PIK3IP1: variants seen among roughly 807,000 people sequenced by gnomAD.
The protein encoded by PIK3IP1 is phosphoinositide-3-kinase interacting protein 1.
PIK3IP1 carries 28 observed loss-of-function variants against 30.7 expected under a neutral mutation model. That is an observed-to-expected ratio of 0.91 (90% confidence interval 0.68 to 1.25). PIK3IP1 has a LOEUF of 1.25. Ranked by LOEUF, PIK3IP1 falls within the 50% of genes most tolerant of loss-of-function variation. The probability of loss-of-function intolerance (pLI) is 0.00; values close to 1 mark genes in which losing one functional copy is unlikely to be tolerated. For missense variants in PIK3IP1, 333 were observed against 346.2 expected (o/e 0.96, Z 0.30); for synonymous variants, 159 against 140.8 (o/e 1.13, Z -0.91).
In PIK3IP1 at chr22:31,289,708, G is replaced by A; in HGVS notation, c.308-9C>T. The A allele has an allele frequency of 1.9e-6, 3 of 1,551,938 alleles. No individual in the cohort carries two copies. Among genetic ancestry groups the A allele is most frequent in the Non-Finnish European group, 8.7e-7 (1 of 1,147,084 alleles). ...GGCCTGGGAGGTGGTCTCTGGAGATGAGGTGGGAAACAGCTCTCATCAGGG... is the reference window on the plus strand; with the variant it reads ...GGCCTGGGAGGTGGTCTCTGGAGATAAGGTGGGAAACAGCTCTCATCAGGG... On this transcript the variant is annotated splice_polypyrimidine_tract_variant and intron_variant, in intron 3 of 5. Transcript: ENST00000215912.
chr22:31,282,951 T>C lies in PIK3IP1; in HGVS notation c.*133A>G, dbSNP rs1369725467. 4.3e-6 allele frequency: 3 copies of C among 692,256 alleles called. No individual in the cohort carries two copies. In the Admixed American group the frequency reaches 8.0e-5, roughly 18 times the overall value. The allele number at this position is 692,256 out of a possible 1,614,324, so 42.9% of individuals were successfully genotyped here. A position where few individuals can be genotyped will look rare whatever the true frequency, so the allele number is the denominator to read the frequency against. ...CAGGGCCACCTGCTTCTGTCACTCT[T>C]ACTAGGATTCGCCAAAAAAGCGGGG... is the stretch of plus-strand genomic sequence containing the variant. On this transcript the variant is annotated 3_prime_UTR_variant, in exon 6 of 6. Transcript: ENST00000215912.
chr22:31,284,858 C>A (rs533330906), intron 5 of PIK3IP1, among the ~76,000 whole-genome samples: 1 of 152,118 alleles, frequency 6.6e-6, no homozygotes, highest in African/African-American at 2.4e-5. Context: ...GGCTGAGCTC[C>A]CACCCACCCC....
At chr22:31,287,014 CTTTT>C (rs11427273) in intron 5 of PIK3IP1, among the ~76,000 whole-genome samples, 9 of 98,646 alleles carry the variant, frequency 9.1e-5, no homozygotes, top group South Asian at 3.6e-4. Flanking sequence ...CCATTACCCA[CTTTT>C]TTTTTTTTTT....
At chr22:31,292,222 T>C in intron 1 of PIK3IP1, 53 bp downstream of exon 1, 1 of 1,562,824 alleles carries the variant, frequency 6.4e-7, no homozygotes, top group Non-Finnish European at 8.8e-7. Flanking sequence ...ATAGGGGGCT[T>C]TACCCCTTCT....
Position 31,290,967 on chromosome 22 carries a change from G to A in PIK3IP1, c.305C>T (p.Pro102Leu), listed in dbSNP as rs2049172334. The A allele has an allele frequency of 6.2e-7, 1 of 1,600,326 alleles. No homozygotes were observed. Among genetic ancestry groups the A allele is most frequent in the Admixed American group, 1.7e-5 (1 of 58,564 alleles). Reference protein sequence around the residue: ...EKRPCEDLRCPETTSQALPAF... With the variant: ...EKRPCEDLRCLETTSQALPAF... ...TTCCCGGGGTCCCGGGCAGGTACCT[G>A]GACAGCGCAGGTCCTCGCAAGGCCG... Residue 102 changes from proline (P) to leucine (L), a missense_variant and splice_region_variant, in exon 3 of 6, where the codon CCA becomes CTA. Transcript: ENST00000215912.
chr22:31,291,478 C>A (rs1459071621), intron 1 of PIK3IP1, among the ~76,000 whole-genome samples, 182 bp from the exon 2 acceptor site: 1 of 150,662 alleles, frequency 6.6e-6, no homozygotes, highest in Non-Finnish European at 1.5e-5. Flanking sequence ...CACCCCCCCC[C>A]CCCAACTCCA....
At position 31,289,492 on chromosome 22, in the gene PIK3IP1, G is replaced by A. The variant is rs370054613; in HGVS notation, c.508+7C>T. On this transcript the variant is annotated splice_region_variant and intron_variant, in intron 4 of 5. Coordinates refer to ENST00000215912, the MANE Select transcript of PIK3IP1 (RefSeq NM_052880.5). ...CCAACGAGGGCAGGGGTGGGGGACC[G>A]TCATACCCAGAGTTCCCAGGTCCTT... 11 of 1,537,370 alleles carry A rather than the reference G, an allele frequency of 7.2e-6. No homozygotes were observed. Among genetic ancestry groups the A allele is most frequent in the African/African-American group, 1.4e-5 (1 of 73,118 alleles).
chr22:31,290,125 C>CA (rs1315974799), intron 3 of PIK3IP1: 1 of 156,004 alleles, frequency 6.4e-6, no homozygotes, highest in African/African-American at 2.4e-5. Flanking sequence ...AGCGGTGGCT[C>CA]ACGCCTGTAA....
chr22:31,283,225 A>G lies in PIK3IP1; in HGVS notation c.651T>C (p.Thr217=), dbSNP rs201011036. Residue 217 remains threonine, a synonymous_variant, in exon 6 of 6, where the codon ACT becomes ACC. Transcript: ENST00000215912. The part of the protein sequence containing the change: ...KVCEREMQRI[T]LPLSAFTNPT... The stretch of plus-strand genomic sequence containing the variant: ...GGTTGGTGAAGGCAGACAAGGGCAG[A>G]GTGATTCGCTGCATCTCCCTCTCAC... 1.2e-6 allele frequency: 2 copies of G among 1,614,222 alleles called. No individual in the cohort carries two copies. The highest frequency in any genetic ancestry group is 2.2e-5 in the East Asian group (1 of 44,882).
rs2049099066 is a variant in PIK3IP1 at position 31,282,742 on chromosome 22, G to C, written c.*342C>G. 1 of 279,122 alleles carries C rather than the reference G, an allele frequency of 3.6e-6. No homozygotes were observed. The highest frequency in any genetic ancestry group is 6.9e-6 in the Non-Finnish European group (1 of 144,170). 17.3% of individuals were successfully genotyped at this position (279,122 alleles called of 1,614,324 possible). On this transcript the variant is annotated 3_prime_UTR_variant, in exon 6 of 6. Transcript: ENST00000215912. ...ACTGAGGCCATCTTAGTAAAGCACAGAGGAGCCTGGGGGAGCTCCCCGTCT... is the reference window on the plus strand; with the variant it reads ...ACTGAGGCCATCTTAGTAAAGCACACAGGAGCCTGGGGGAGCTCCCCGTCT...
intron 5 of PIK3IP1, 64 bp downstream of exon 5, chr22:31,289,251 A>G (rs761305646): frequency 7.7e-6 from 12 of 1,552,648 alleles, no homozygotes; most frequent in East Asian, 2.2e-5. Context: ...AGAAAGCCAC[A>G]AAGTTTGACT....
intron 3 of PIK3IP1, 168 bp from the exon 4 acceptor site, chr22:31,289,867 G>T: frequency 1.5e-6 from 1 of 651,462 alleles, no homozygotes; most frequent in South Asian, 2.0e-5. Flanking sequence ...GGCCTGAGAG[G>T]GCTGAACCAT....
chr22:31,284,076 G>T (rs1469448120), intron 5 of PIK3IP1, among the ~76,000 whole-genome samples: 2 of 152,082 alleles, frequency 1.3e-5, no homozygotes, highest in Non-Finnish European at 2.9e-5. Context: ...AGAGTATTTT[G>T]TATTTTTAGT....
intron 5 of PIK3IP1, chr22:31,289,063 A>G (rs1248173220): frequency 8.6e-6 from 5 of 580,850 alleles, no homozygotes; most frequent in African/African-American, 7.5e-5. Context: ...ACTTTGAGCA[A>G]GTCTCTGACA....
Position 31,292,259 on chromosome 22 carries a change from AAGATTGTAATCTCACCTCC to A in PIK3IP1, c.67_70+15del. On this transcript the variant is annotated splice_donor_variant and splice_donor_5th_base_variant and coding_sequence_variant and intron_variant, in exon 1 of 6. Transcript: ENST00000215912. LOFTEE classifies it high-confidence loss of function. Reference sequence around the variant, plus strand: ...TTTCATGAAGTTGCTGCGGAAAGGAAAGATTGTAATCTCACCTCCAGATCCATAGGCTTCTGCTAGGAGC... The same window carrying A: ...TTTCATGAAGTTGCTGCGGAAAGGAAAGATCCATAGGCTTCTGCTAGGAGC... The A allele has an allele frequency of 6.2e-7, 1 of 1,612,916 alleles. No homozygotes were observed. The highest frequency in any genetic ancestry group is 8.5e-7 in the Non-Finnish European group (1 of 1,178,906).
At chr22:31,290,695 C>G (rs534860163) in intron 3 of PIK3IP1, 1 of 444,960 alleles carries the variant, frequency 2.2e-6, no homozygotes, top group Non-Finnish European at 3.9e-6. Context: ...AAAAGCCACT[C>G]CTCAGGACGC....
rs1276681762 is a variant in PIK3IP1 at position 31,282,212 on chromosome 22, TTA to T, written c.*870_*871del. The T allele has an allele frequency of 6.6e-6, 1 of 152,344 alleles. No individual in the cohort carries two copies. Among genetic ancestry groups the T allele is most frequent in the East Asian group, 1.9e-4 (1 of 5,184 alleles). The allele number at this position is 152,344 out of a possible 1,614,324, so 9.4% of individuals were successfully genotyped here. ...GTGCTTTATTACCTTGCCTCTGAGC[TTA>T]GTTTCCAGGTTAGCCTCTTAGAAGC... On this transcript the variant is annotated 3_prime_UTR_variant, in exon 6 of 6. Coordinates refer to ENST00000215912, the MANE Select transcript of PIK3IP1 (RefSeq NM_052880.5).
chr22:31,287,725 C>A (rs5749248), intron 5 of PIK3IP1, among the ~76,000 whole-genome samples: 125,911 of 151,984 alleles, frequency 0.83, 52,807 homozygotes, highest in African/African-American at 0.96. Flanking sequence ...AGCTCCACAC[C>A]ATGATGTGGA....
chr22:31,290,972 G>A lies in PIK3IP1; in HGVS notation c.300C>T (p.Arg100=). 6.2e-7 allele frequency: 1 copy of A among 1,604,718 alleles called. No homozygotes were observed. The highest frequency in any genetic ancestry group is 8.5e-7 in the Non-Finnish European group (1 of 1,176,762). Residue 100 remains arginine, a synonymous_variant, in exon 3 of 6, where the codon CGC becomes CGT. Coordinates refer to ENST00000215912, the MANE Select transcript of PIK3IP1 (RefSeq NM_052880.5). The part of the protein sequence containing the change: ...VPEKRPCEDL[R]CPETTSQALP... ...GGGGTCCCGGGCAGGTACCTGGACAGCGCAGGTCCTCGCAAGGCCGTTTCT... is the reference window on the plus strand; with the variant it reads ...GGGGTCCCGGGCAGGTACCTGGACAACGCAGGTCCTCGCAAGGCCGTTTCT...
Sources: gnomAD v4.1 joint callset for allele counts (sites outside exome capture counted in the v4.1 genomes callset) on GRCh38, gnomAD v4.1.1 for gene constraint, MANE v1.5 for transcripts, NCBI Gene and HGNC (gene_info 2026-07-23, HGNC 2026-07-21) for gene names.